TMCO1: variants seen among roughly 807,000 people sequenced by gnomAD.
The protein encoded by TMCO1 is transmembrane and coiled-coil domains 1, also known as calcium load-activated calcium channel.
TMCO1 carries 29 observed loss-of-function variants against 29.3 expected under a neutral mutation model. That is an observed-to-expected ratio of 0.99 (90% CI 0.74 to 1.35). TMCO1 has a LOEUF of 1.35. TMCO1 is among the 40% of genes most tolerant of loss of function. The pLI, the probability that TMCO1 is intolerant of heterozygous loss-of-function variation, is 0.00. For missense variants in TMCO1, 173 were observed against 225.5 expected (o/e 0.77, Z 1.49); for synonymous variants, 80 against 77.1 (o/e 1.04, Z -0.20).
chr1:165,752,347 C>A (rs1022628669), intron 4 of TMCO1, among the ~76,000 whole-genome samples, 178 bp from the exon 5 acceptor site: 2 of 151,116 alleles, frequency 1.3e-5, no homozygotes, highest in Non-Finnish European at 2.9e-5. Flanking sequence ...CTCCGTCCCC[C>A]CGGGTTCACG....
intron 6 of TMCO1, among the ~76,000 whole-genome samples, chr1:165,737,625 C>T (rs531916349): frequency 1.3e-5 from 2 of 152,166 alleles, no homozygotes; most frequent in African/African-American, 2.4e-5. Context: ...ACATTACTTA[C>T]GAGGACACAA....
chr1:165,768,521 C>T, intron 1 of TMCO1, 161 bp downstream of exon 1: 1 of 1,551,842 alleles, frequency 6.4e-7, no homozygotes. Flanking sequence ...TCCATACTCC[C>T]CTCCTGCTCC....
intron 4 of TMCO1, 137 bp downstream of exon 4, chr1:165,754,091 G>T: frequency 1.4e-6 from 1 of 724,072 alleles, no homozygotes. Context: ...ATTTGGTCCA[G>T]GAACACCCAT....
chr1:165,730,355 CA>C (rs71656963), intron 6 of TMCO1, among the ~76,000 whole-genome samples: 131,342 of 150,632 alleles, frequency 0.87, 57,076 homozygotes, highest in East Asian at 0.99. Flanking sequence ...CAAAACAAAA[CA>C]AAAAAAAAAA....
chr1:165,766,098 A>T (rs544733629), intron 2 of TMCO1, among the ~76,000 whole-genome samples: 2 of 152,352 alleles, frequency 1.3e-5, no homozygotes, highest in South Asian at 4.1e-4. Context: ...ACCCAACAGT[A>T]TCTGCAGACA....
At chr1:165,750,541 C>CAAAAA (rs776845482) in intron 5 of TMCO1, among the ~76,000 whole-genome samples, 1 of 87,630 alleles carries the variant, frequency 1.1e-5, no homozygotes, top group African/African-American at 4.5e-5. Flanking sequence ...AACTCCGTCT[C>CAAAAA]AAAAAAAAAA....
chr1:165,746,021 C>T (rs1651782546), intron 5 of TMCO1, among the ~76,000 whole-genome samples: 1 of 152,162 alleles, frequency 6.6e-6, no homozygotes, highest in Non-Finnish European at 1.5e-5. Flanking sequence ...GTGGCTCACG[C>T]CTGTAATCCC....
At chr1:165,759,466 C>A (rs1257898177) in intron 3 of TMCO1, 59 bp downstream of exon 3, 3 of 1,201,822 alleles carry the variant, frequency 2.5e-6, no homozygotes, top group African/African-American at 1.5e-5. Context: ...TTTTCATTAT[C>A]TAAGAATTAA....
At chr1:165,767,985 C>A (rs1209643207) in intron 2 of TMCO1, among the ~76,000 whole-genome samples, 1 of 152,190 alleles carries the variant, frequency 6.6e-6, no homozygotes, top group African/African-American at 2.4e-5. Flanking sequence ...TTCTTTAGAA[C>A]CACCACAGCA....
intron 3 of TMCO1, among the ~76,000 whole-genome samples, chr1:165,757,075 A>G (rs981536239): frequency 3.9e-5 from 6 of 152,186 alleles, no homozygotes; most frequent in Non-Finnish European, 8.8e-5. Context: ...AAGGAAAACA[A>G]AAATCAGTTC....
At chr1:165,761,171 T>G (rs12038136) in intron 2 of TMCO1, among the ~76,000 whole-genome samples, 2 of 150,340 alleles carry the variant, frequency 1.3e-5, no homozygotes. Context: ...TTTTGTGTAT[T>G]TGTGTGTGTG....
chr1:165,727,738 A>G lies in TMCO1; in HGVS notation c.*285T>C, dbSNP rs1650963536. 4.4e-6 allele frequency: 2 copies of G among 458,718 alleles called. No homozygotes were observed. Among genetic ancestry groups the G allele is most frequent in the Non-Finnish European group, 8.7e-6 (2 of 230,116 alleles). The allele number at this position is 458,718 out of a possible 1,614,324, so 28.4% of individuals were successfully genotyped here. ...AGAGTCGGTCCCACAGAAAATACTTATGTAAATGAAACAAGAAGGATGCTA... is the reference window on the plus strand; with the variant it reads ...AGAGTCGGTCCCACAGAAAATACTTGTGTAAATGAAACAAGAAGGATGCTA... On this transcript the variant is annotated 3_prime_UTR_variant, in exon 7 of 7. Coordinates refer to ENST00000367881, the MANE Select transcript of TMCO1 (RefSeq NM_019026.6).
At chr1:165,768,081 T>G in intron 2 of TMCO1, 111 bp downstream of exon 2, 1 of 939,802 alleles carries the variant, frequency 1.1e-6, no homozygotes, top group Non-Finnish European at 1.7e-6. Context: ...TAAATAGGCT[T>G]CAAGTCAGGT....
chr1:165,761,852 G>A (rs1163156775), intron 2 of TMCO1, among the ~76,000 whole-genome samples: 1 of 151,970 alleles, frequency 6.6e-6, no homozygotes, highest in Non-Finnish European at 1.5e-5. Context: ...AGGAGGCTGA[G>A]ATGAGAGGAT....
intron 6 of TMCO1, among the ~76,000 whole-genome samples, chr1:165,742,642 G>A (rs1651639907): frequency 6.6e-6 from 1 of 151,972 alleles, no homozygotes; most frequent in Non-Finnish European, 1.5e-5. Flanking sequence ...CCCACTAATC[G>A]AATGTTATAG....
intron 6 of TMCO1, among the ~76,000 whole-genome samples, chr1:165,739,394 T>TC (rs1651503378): frequency 3.2e-5 from 1 of 30,772 alleles, no homozygotes; most frequent in Non-Finnish European, 6.3e-5. Context: ...ACTTCCTAAA[T>TC]AATTTTTTTT....
At chr1:165,734,757 C>A (rs1380103189) in intron 6 of TMCO1, among the ~76,000 whole-genome samples, 1 of 152,172 alleles carries the variant, frequency 6.6e-6, no homozygotes, top group East Asian at 1.9e-4. Flanking sequence ...CCTGCCTTGG[C>A]CTCCCAAAGT....
At chr1:165,759,880 A>C (rs895934403) in intron 2 of TMCO1, among the ~76,000 whole-genome samples, 16 of 152,232 alleles carry the variant, frequency 1.1e-4, no homozygotes, top group African/African-American at 3.9e-4. Context: ...TACCTTAGCT[A>C]GTTTCAAAGC....
At chr1:165,741,581 A>T in intron 6 of TMCO1, among the ~76,000 whole-genome samples, 1 of 152,220 alleles carries the variant, frequency 6.6e-6, no homozygotes, top group African/African-American at 2.4e-5. Context: ...ATTTGTGGGG[A>T]TGTGATGGGA....
Sources: allele counts gnomAD v4.1 joint callset (sites outside exome capture counted in the v4.1 genomes callset), GRCh38; gene constraint gnomAD v4.1.1; transcripts MANE v1.5; gene names NCBI Gene and HGNC (gene_info 2026-07-23, HGNC 2026-07-21).